AGBL4: variants seen among roughly 807,000 people sequenced by gnomAD.
AGBL4 encodes the protein AGBL carboxypeptidase 4.
Under a neutral mutation model 66.4 loss-of-function variants are expected in AGBL4, and 58 were observed. That is an observed-to-expected ratio of 0.87 (90% confidence interval 0.71 to 1.09). The LOEUF (loss-of-function observed/expected upper bound fraction) is 1.09. AGBL4 is among the 50% of genes least tolerant of loss of function. The pLI is 0.00. For missense variants in AGBL4, 579 were observed against 631.0 expected (o/e 0.92, Z 0.88); for synonymous variants, 234 against 222.9 (o/e 1.05, Z -0.44).
intron 3 of AGBL4, among the ~76,000 whole-genome samples, chr1:49,682,712 A>G (rs1161905378): frequency 6.6e-6 from 1 of 152,150 alleles, no homozygotes; most frequent in African/African-American, 2.4e-5. Flanking sequence ...CCCACATTTG[A>G]TTTAATCTTT....
chr1:48,781,559 C>T (rs1285308941), intron 6 of AGBL4, among the ~76,000 whole-genome samples: 3 of 152,224 alleles, frequency 2.0e-5, no homozygotes. Flanking sequence ...AAAGAGGCAA[C>T]TGCAAACTTC....
At chr1:49,317,729 A>C (rs1645065080) in intron 3 of AGBL4, among the ~76,000 whole-genome samples, 1 of 151,992 alleles carries the variant, frequency 6.6e-6, no homozygotes, top group Non-Finnish European at 1.5e-5. Context: ...TCAGTTACAC[A>C]GTGATAAGTA....
At chr1:49,128,244 A>T (rs1645806487) in intron 4 of AGBL4, among the ~76,000 whole-genome samples, 1 of 152,016 alleles carries the variant, frequency 6.6e-6, no homozygotes, top group South Asian at 2.1e-4. Context: ...ATTAAATAAG[A>T]CCTAAGGAAA....
chr1:49,992,782 C>G (rs978556670), intron 1 of AGBL4, among the ~76,000 whole-genome samples: 2 of 152,146 alleles, frequency 1.3e-5, no homozygotes, highest in African/African-American at 2.4e-5. Context: ...GTCATCCTAC[C>G]TTGTAGAACT....
At chr1:49,670,520 T>C (rs1330338851) in intron 3 of AGBL4, among the ~76,000 whole-genome samples, 1 of 152,122 alleles carries the variant, frequency 6.6e-6, no homozygotes, top group Non-Finnish European at 1.5e-5. Flanking sequence ...TGATGAGTCA[T>C]AGGAGGGCTG....
intron 5 of AGBL4, among the ~76,000 whole-genome samples, chr1:48,871,193 G>A (rs1461561345): frequency 6.6e-6 from 1 of 152,136 alleles, no homozygotes; most frequent in South Asian, 2.1e-4. Context: ...AACTGAGAGA[G>A]ATAAGAGCCT....
rs72904815 is a variant in AGBL4, at chr1:48,718,046, C to A, written c.635-54805G>T. Among the ~76,000 whole-genome samples, 903 of 152,304 alleles carry A rather than the reference C, an allele frequency of 5.9e-3. 6 individuals are homozygous for A. Among genetic ancestry groups the A allele is most frequent in the African/African-American group, 0.02 (828 of 41,554 alleles). ...ATGTGGGGAAAGCATCGGCATGCTC[C>A]TGTTGGCTGCCCTTCTCACTCAAAA... On this transcript the variant is annotated intron_variant, in intron 6 of 13. Coordinates refer to ENST00000371839, the MANE Select transcript of AGBL4 (RefSeq NM_032785.4).
intron 1 of AGBL4, among the ~76,000 whole-genome samples, chr1:49,942,158 T>G (rs1654823298): frequency 6.6e-6 from 1 of 152,030 alleles, no homozygotes; most frequent in Admixed American, 6.6e-5. Flanking sequence ...ATTTGTACAC[T>G]GAAAACTACA....
At chr1:49,983,069 C>G (rs910689564) in intron 1 of AGBL4, among the ~76,000 whole-genome samples, 1 of 152,212 alleles carries the variant, frequency 6.6e-6, no homozygotes. Context: ...TGTCTGCATA[C>G]CTCATTCTTC....
intron 2 of AGBL4, among the ~76,000 whole-genome samples, chr1:49,802,025 T>C (rs1284243534): frequency 6.6e-6 from 1 of 152,196 alleles, no homozygotes; most frequent in Non-Finnish European, 1.5e-5. Context: ...AAAGATAAAA[T>C]GCTCCTGATT....
At chr1:49,376,338 C>T (rs1041560261) in intron 3 of AGBL4, among the ~76,000 whole-genome samples, 2 of 151,994 alleles carry the variant, frequency 1.3e-5, no homozygotes, top group East Asian at 1.9e-4. Context: ...CATGTAGGAC[C>T]CCCTATCCTT....
intron 6 of AGBL4, among the ~76,000 whole-genome samples, chr1:48,700,330 G>C (rs1021791026): frequency 5.9e-5 from 9 of 152,170 alleles, no homozygotes; most frequent in Non-Finnish European, 1.0e-4. Flanking sequence ...GATGCTCCTT[G>C]TGCTCTTCTT....
intron 11 of AGBL4, among the ~76,000 whole-genome samples, chr1:48,579,133 A>G (rs1644697556): frequency 6.6e-6 from 1 of 152,212 alleles, no homozygotes; most frequent in East Asian, 1.9e-4. Flanking sequence ...TATTACATAC[A>G]GAGCTCAAAA....
chr1:48,853,583 GAAGT>G (rs879360515), intron 6 of AGBL4, among the ~76,000 whole-genome samples: 2 of 152,172 alleles, frequency 1.3e-5, no homozygotes, highest in Admixed American at 1.3e-4. Flanking sequence ...CGGTAAAATG[GAAGT>G]AAGGCACTGA....
chr1:49,403,722 C>A (rs920760583), intron 3 of AGBL4, among the ~76,000 whole-genome samples: 2 of 152,110 alleles, frequency 1.3e-5, no homozygotes, highest in Non-Finnish European at 1.5e-5. Context: ...CTTTTTGTAT[C>A]CAAAACTGTT....
In AGBL4 at chr1:49,881,030, C is replaced by A. The variant is rs926737131; in HGVS notation, c.35-29512G>T. On this transcript the variant is annotated intron_variant, in intron 1 of 13. Transcript: ENST00000371839. ...GCCCTGCTTAGGCTCGCGCACAGTG[C>A]GCGCACCCACTGGCCTGCGCCCACT... 1.6e-4 allele frequency among the ~76,000 whole-genome samples: 25 copies of A among 152,248 alleles called. No homozygotes were observed. In the South Asian group the frequency reaches 3.5e-3, roughly 21 times the overall value.
chr1:49,323,320 CCGCCA>C (rs1645163527), intron 3 of AGBL4, among the ~76,000 whole-genome samples: 1 of 152,052 alleles, frequency 6.6e-6, no homozygotes, highest in Non-Finnish European at 1.5e-5. Flanking sequence ...TCTTGCTCTG[CCGCCA>C]GGCTGGAGTG....
chr1:49,605,205 C>T (rs1157961409), intron 3 of AGBL4, among the ~76,000 whole-genome samples: 1 of 152,104 alleles, frequency 6.6e-6, no homozygotes, highest in Admixed American at 6.6e-5. Context: ...TATACTGCTT[C>T]TCAGTCTTAG....
At chr1:48,557,628 C>T (rs945692314) in intron 11 of AGBL4, among the ~76,000 whole-genome samples, 5 of 152,116 alleles carry the variant, frequency 3.3e-5, no homozygotes, top group Admixed American at 6.5e-5. Context: ...TCTCTAGCCC[C>T]CTTCTGGGTG....
Sources: gnomAD v4.1 joint callset for allele counts (sites outside exome capture counted in the v4.1 genomes callset) on GRCh38, gnomAD v4.1.1 for gene constraint, MANE v1.5 for transcripts, NCBI Gene and HGNC (gene_info 2026-07-23, HGNC 2026-07-21) for gene names.